ITPR2: variants seen among roughly 807,000 people sequenced by gnomAD.
The protein encoded by ITPR2 is inositol 1,4,5-trisphosphate-gated calcium channel ITPR2.
ITPR2 carries 207 observed loss-of-function variants against 317.1 expected under a neutral mutation model. The ratio of observed to expected loss-of-function variants is 0.65; its 90% CI spans 0.58 to 0.73. The LOEUF (loss-of-function observed/expected upper bound fraction) is 0.73, where lower values mean the gene tolerates loss of function less well. ITPR2 is among the 30% of genes least tolerant of loss of function. The probability of loss-of-function intolerance (pLI) is 0.00; values close to 1 mark genes in which losing one functional copy is unlikely to be tolerated. For synonymous variants in ITPR2, 1,156 were observed against 1,149.1 expected (o/e 1.01, Z -0.12); for missense variants, 2,613 against 3,284.0 (o/e 0.80, Z 4.99).
chr12:26,724,922 T>C (rs565261705), intron 3 of ITPR2, among the ~76,000 whole-genome samples, 180 bp from the exon 4 acceptor site: 1 of 152,282 alleles, frequency 6.6e-6, no homozygotes, highest in South Asian at 2.1e-4. Context: ...TCATATCATA[T>C]TGTCTTTCAG....
intron 55 of ITPR2, among the ~76,000 whole-genome samples, chr12:26,357,095 C>T (rs1015876845): frequency 1.3e-5 from 2 of 151,692 alleles, no homozygotes; most frequent in Non-Finnish European, 1.5e-5. Context: ...GCTGCCAGAG[C>T]GCACCTGGGT....
At chr12:26,796,701 AAACAAAATTTTCATTAACAGT>A (rs1379898198) in intron 1 of ITPR2, among the ~76,000 whole-genome samples, 1 of 152,194 alleles carries the variant, frequency 6.6e-6, no homozygotes, top group Non-Finnish European at 1.5e-5. Context: ...AACTGAAAAA[AAACAAAATTTTCATTAACAGT>A]AACATGGATA....
At chr12:26,809,052 A>T (rs1950687405) in intron 1 of ITPR2, among the ~76,000 whole-genome samples, 2 of 152,198 alleles carry the variant, frequency 1.3e-5, no homozygotes, top group African/African-American at 4.8e-5. Flanking sequence ...CTTTTGAAGC[A>T]TATGTTTCAT....
intron 15 of ITPR2, among the ~76,000 whole-genome samples, chr12:26,660,947 C>T (rs1947481804): frequency 6.6e-6 from 1 of 150,896 alleles, no homozygotes; most frequent in Non-Finnish European, 1.5e-5. Flanking sequence ...AGCCATAATG[C>T]TATATAATAT....
At chr12:26,769,025 A>C (rs866384057) in intron 2 of ITPR2, among the ~76,000 whole-genome samples, 96 of 149,810 alleles carry the variant, frequency 6.4e-4, no homozygotes, top group African/African-American at 2.2e-4. Context: ...ACACACACAC[A>C]CCCCAATCTC....
chr12:26,429,265 T>A (rs1253833279), intron 48 of ITPR2, among the ~76,000 whole-genome samples: 2 of 152,210 alleles, frequency 1.3e-5, no homozygotes, highest in Non-Finnish European at 2.9e-5. Flanking sequence ...TTTTGCAAGG[T>A]TTGTTCTTAT....
chr12:26,340,013 G>C (rs1938052571), intron 56 of ITPR2, among the ~76,000 whole-genome samples, 154 bp downstream of exon 56: 1 of 152,142 alleles, frequency 6.6e-6, no homozygotes, highest in Admixed American at 6.5e-5. Flanking sequence ...CCCGTTTGCT[G>C]GGATGTGGTT....
At chr12:26,536,555 A>C (rs2136971434) in intron 37 of ITPR2, among the ~76,000 whole-genome samples, 1 of 152,338 alleles carries the variant, frequency 6.6e-6, no homozygotes, top group South Asian at 2.1e-4. Flanking sequence ...ACTGAATGGA[A>C]AGGAGTAAAT....
intron 5 of ITPR2, chr12:26,721,165 A>T: frequency 2.4e-6 from 1 of 425,448 alleles, no homozygotes; most frequent in Non-Finnish European, 4.2e-6. Context: ...TATCATGCTC[A>T]CAGCACACAT....
intron 37 of ITPR2, among the ~76,000 whole-genome samples, chr12:26,495,799 G>A (rs997519509): frequency 6.6e-6 from 1 of 152,082 alleles, no homozygotes; most frequent in African/African-American, 2.4e-5. Context: ...GAAAGCAAAG[G>A]GCTTAGGTAG....
intron 34 of ITPR2, among the ~76,000 whole-genome samples, chr12:26,566,390 G>C (rs890525341): frequency 4.2e-5 from 6 of 142,822 alleles, no homozygotes; most frequent in Admixed American, 2.1e-4. Context: ...GGCAGAGGGA[G>C]AGGAGAAGGA....
intron 55 of ITPR2, among the ~76,000 whole-genome samples, chr12:26,342,789 A>C (rs1464717024): frequency 6.6e-6 from 1 of 151,870 alleles, no homozygotes. Flanking sequence ...TTGAATTTTT[A>C]GTAGAGATGG....
intron 13 of ITPR2, among the ~76,000 whole-genome samples, chr12:26,679,819 A>G (rs1361598030): frequency 6.6e-6 from 1 of 152,012 alleles, no homozygotes; most frequent in East Asian, 1.9e-4. Flanking sequence ...CTCCTCCTCC[A>G]TGTCGCTTCA....
At chr12:26,829,228 T>TA (rs60528837) in intron 1 of ITPR2, among the ~76,000 whole-genome samples, 2 of 151,944 alleles carry the variant, frequency 1.3e-5, no homozygotes, top group South Asian at 2.1e-4. Flanking sequence ...TTTTTTATTA[T>TA]AAAAAAAATT....
chr12:26,781,989 CCTGTATATATATATATATAT>C (rs1430887086), intron 2 of ITPR2, among the ~76,000 whole-genome samples: 1 of 73,562 alleles, frequency 1.4e-5, no homozygotes, highest in African/African-American at 5.8e-5. Flanking sequence ...AATAAACTCC[CCTGTATATATATATATATAT>C]ATATATATAT....
At chr12:26,767,486 G>A (rs1949743099) in intron 2 of ITPR2, among the ~76,000 whole-genome samples, 1 of 152,128 alleles carries the variant, frequency 6.6e-6, no homozygotes, top group African/African-American at 2.4e-5. Flanking sequence ...AAATTGATGT[G>A]TCACCACTGA....
intron 40 of ITPR2, 139 bp downstream of exon 40, chr12:26,486,929 A>G (rs1041091230): frequency 1.1e-6 from 1 of 938,906 alleles, no homozygotes; most frequent in Admixed American, 1.9e-5. Flanking sequence ...CCCATGACCA[A>G]AATTCTTTAT....
intron 49 of ITPR2, among the ~76,000 whole-genome samples, chr12:26,424,058 G>A (rs1226847303): frequency 2.0e-5 from 3 of 152,046 alleles, no homozygotes; most frequent in African/African-American, 4.8e-5. Flanking sequence ...ACAGAGTCCA[G>A]AAACAACTCC....
intron 1 of ITPR2, 74 bp from the exon 2 acceptor site, chr12:26,790,301 G>T: frequency 8.8e-7 from 1 of 1,138,474 alleles, no homozygotes; most frequent in African/African-American, 1.5e-5. Context: ...CATGGATATT[G>T]CATAAATATT....
Sources: allele counts gnomAD v4.1 joint callset (sites outside exome capture counted in the v4.1 genomes callset), GRCh38; gene constraint gnomAD v4.1.1; transcripts MANE v1.5; gene names NCBI Gene and HGNC (gene_info 2026-07-23, HGNC 2026-07-21).